The following CCSER1 variants were observed in gnomAD, a reference collection of about 807,000 sequenced individuals.
The protein encoded by CCSER1 is coiled-coil serine rich protein 1.
Under a neutral mutation model 82.0 loss-of-function variants are expected in CCSER1, and 41 were observed. The observed-to-expected ratio is 0.50, with a 90% CI of 0.39 to 0.65. The LOEUF (loss-of-function observed/expected upper bound fraction) is 0.65, where lower values mean the gene tolerates loss of function less well. CCSER1 is among the 30% of genes least tolerant of loss of function. CCSER1 has a pLI of 0.00. For synonymous variants in CCSER1, 414 were observed against 383.9 expected (o/e 1.08, Z -0.92); for missense variants, 1,119 against 1,064.2 (o/e 1.05, Z -0.72).
intron 9 of CCSER1, among the ~76,000 whole-genome samples, chr4:90,977,036 CA>C (rs1256572373): frequency 6.6e-6 from 1 of 151,456 alleles, no homozygotes; most frequent in Non-Finnish European, 1.5e-5. Context: ...GTGAAGCTTC[CA>C]AAAAATTTGT....
At chr4:91,543,859 TTGGGGA>T in intron 10 of CCSER1, among the ~76,000 whole-genome samples, 1 of 152,342 alleles carries the variant, frequency 6.6e-6, no homozygotes, top group Middle Eastern at 3.4e-3. Context: ...CCTTGCTTGG[TTGGGGA>T]AGTTCTCCTG....
At chr4:91,173,550 T>C (rs919281220) in intron 10 of CCSER1, among the ~76,000 whole-genome samples, 2 of 142,112 alleles carry the variant, frequency 1.4e-5, no homozygotes, top group African/African-American at 5.4e-5. Context: ...TCCTAGATCA[T>C]GCCACTGCAC....
chr4:91,221,682 T>C (rs1036678029), intron 10 of CCSER1, among the ~76,000 whole-genome samples: 5 of 152,176 alleles, frequency 3.3e-5, no homozygotes, highest in African/African-American at 1.2e-4. Flanking sequence ...GGTATTTCAG[T>C]CATAAGTTTA....
intron 5 of CCSER1, among the ~76,000 whole-genome samples, chr4:90,498,502 TTTAAG>T (rs758573377): frequency 8.5e-5 from 13 of 152,144 alleles, no homozygotes; most frequent in African/African-American, 2.7e-4. Context: ...TTTGATAAAG[TTTAAG>T]TTGAGAGTAT....
At chr4:91,216,572 G>A (rs1269948328) in intron 10 of CCSER1, among the ~76,000 whole-genome samples, 3 of 152,068 alleles carry the variant, frequency 2.0e-5, no homozygotes, top group African/African-American at 7.2e-5. Flanking sequence ...CACCCATCTC[G>A]GCCTCCCAAA....
chr4:91,008,841 A>C (rs2150496450), intron 9 of CCSER1, among the ~76,000 whole-genome samples: 1 of 152,282 alleles, frequency 6.6e-6, no homozygotes, highest in African/African-American at 2.4e-5. Flanking sequence ...GTGTTCTCTG[A>C]CCTGGGGTTC....
intron 1 of CCSER1, among the ~76,000 whole-genome samples, chr4:90,289,680 G>A (rs1425281271): frequency 6.6e-6 from 1 of 151,838 alleles, no homozygotes; most frequent in African/African-American, 2.4e-5. Context: ...TGATTCAGTA[G>A]TTTTTCACAG....
chr4:90,565,279 A>G (rs6532234), intron 5 of CCSER1, among the ~76,000 whole-genome samples: 67,801 of 151,082 alleles, frequency 0.45, 18,549 homozygotes, highest in African/African-American at 0.78. Flanking sequence ...TGTAGGTATT[A>G]TAAATGAGAT....
intron 9 of CCSER1, among the ~76,000 whole-genome samples, chr4:91,045,192 G>C (rs1223195247): frequency 1.3e-5 from 2 of 152,262 alleles, no homozygotes; most frequent in Non-Finnish European, 1.5e-5. Flanking sequence ...AAATGCAGCA[G>C]TCACTGAGCC....
chr4:90,735,914 C>T (rs1274076229), intron 7 of CCSER1, among the ~76,000 whole-genome samples: 1 of 151,926 alleles, frequency 6.6e-6, no homozygotes, highest in Non-Finnish European at 1.5e-5. Context: ...TTTTCATGTT[C>T]ATTGGTTTCA....
rs149326623 is a variant in CCSER1, at chr4:90,944,909, T to C, written c.2172+21462T>C. Reference sequence around the variant, plus strand: ...TTCACTCTGAGCATGATATACACCATTGACATGAATGGTAAATCATGTCTT... The same window carrying C: ...TTCACTCTGAGCATGATATACACCACTGACATGAATGGTAAATCATGTCTT... On this transcript the variant is annotated intron_variant, in intron 9 of 10. Transcript: ENST00000509176. Among the ~76,000 whole-genome samples the C allele has an allele frequency of 6.3e-3, 955 of 152,324 alleles. 4 individuals carry two copies. The highest frequency in any genetic ancestry group is 0.022 in the African/African-American group (906 of 41,570).
At chr4:90,546,282 G>A (rs985131073) in intron 5 of CCSER1, among the ~76,000 whole-genome samples, 7 of 152,052 alleles carry the variant, frequency 4.6e-5, no homozygotes, top group East Asian at 1.9e-4. Context: ...CTATGGCTTC[G>A]CTCTGTGACC....
At chr4:91,042,177 T>A (rs79026459) in intron 9 of CCSER1, among the ~76,000 whole-genome samples, 1 of 152,140 alleles carries the variant, frequency 6.6e-6, no homozygotes, top group African/African-American at 2.4e-5. Context: ...GTGGAGGTAA[T>A]TGAATCATTG....
intron 5 of CCSER1, among the ~76,000 whole-genome samples, chr4:90,471,587 T>C (rs1232363429): frequency 6.6e-6 from 1 of 152,028 alleles, no homozygotes; most frequent in East Asian, 1.9e-4. Context: ...ACAAATATAT[T>C]TGTTAAATAG....
intron 9 of CCSER1, among the ~76,000 whole-genome samples, chr4:90,995,766 T>C (rs1737440330): frequency 6.6e-6 from 1 of 152,110 alleles, no homozygotes; most frequent in Non-Finnish European, 1.5e-5. Flanking sequence ...TATATGCTTT[T>C]CATTCCACCA....
At chr4:91,534,426 A>G (rs890129442) in intron 10 of CCSER1, among the ~76,000 whole-genome samples, 1 of 152,062 alleles carries the variant, frequency 6.6e-6, no homozygotes, top group African/African-American at 2.4e-5. Flanking sequence ...ATCAAGTTCT[A>G]TCAATGAGAA....
intron 5 of CCSER1, among the ~76,000 whole-genome samples, chr4:90,567,745 T>C (rs1057254423): frequency 6.6e-6 from 1 of 151,946 alleles, no homozygotes; most frequent in African/African-American, 2.4e-5. Context: ...GAGCTGGGAC[T>C]GCAGGCACAC....
intron 10 of CCSER1, among the ~76,000 whole-genome samples, chr4:91,275,559 A>G (rs539005375): frequency 1.3e-5 from 2 of 152,148 alleles, no homozygotes; most frequent in South Asian, 4.1e-4. Context: ...GGTTCTTTGT[A>G]TATTCTGCAT....
At chr4:90,873,130 G>T (rs1766774801) in intron 8 of CCSER1, among the ~76,000 whole-genome samples, 1 of 151,928 alleles carries the variant, frequency 6.6e-6, no homozygotes, top group African/African-American at 2.4e-5. Context: ...CATTTCAAAA[G>T]TTCTTTGTTA....
Sources: allele counts gnomAD v4.1 joint callset (sites outside exome capture counted in the v4.1 genomes callset), GRCh38; gene constraint gnomAD v4.1.1; transcripts MANE v1.5; gene names NCBI Gene and HGNC (gene_info 2026-07-23, HGNC 2026-07-21).